The following ABTB2 variants were observed in gnomAD, a reference collection of about 807,000 sequenced individuals.
ABTB2 encodes ankyrin repeat and BTB domain containing 2.
Under a neutral mutation model 104.1 loss-of-function variants are expected in ABTB2, and 56 were observed. The observed-to-expected ratio is 0.54, with a 90% CI of 0.43 to 0.67. The LOEUF is 0.67. ABTB2 is among the 30% of genes least tolerant of loss of function. The probability of loss-of-function intolerance (pLI) is 0.00; values close to 1 mark genes in which losing one functional copy is unlikely to be tolerated. For synonymous variants in ABTB2, 606 were observed against 608.2 expected, an observed-to-expected ratio of 1.00 and a Z score of 0.05; for missense variants, 1,279 against 1,407.7, an observed-to-expected ratio of 0.91 and a Z score of 1.46.
At chr11:34,272,884 C>A (rs1328960654) in intron 1 of ABTB2, among the ~76,000 whole-genome samples, 1 of 151,972 alleles carries the variant, frequency 6.6e-6, no homozygotes, top group African/African-American at 2.4e-5. Flanking sequence ...TCCAGACTGT[C>A]TGAGTTCTAA....
chr11:34,287,359 G>A (rs1854517626), intron 1 of ABTB2, among the ~76,000 whole-genome samples: 1 of 152,084 alleles, frequency 6.6e-6, no homozygotes, highest in Admixed American at 6.6e-5. Flanking sequence ...ACCAGCCTGA[G>A]ACCAGCCCGG....
intron 1 of ABTB2, among the ~76,000 whole-genome samples, chr11:34,300,772 G>C (rs1282196450): frequency 6.6e-6 from 1 of 152,196 alleles, no homozygotes; most frequent in East Asian, 1.9e-4. Flanking sequence ...CAATGAGAAG[G>C]GGTTTTAGGT....
Position 34,172,401 on chromosome 11 carries a change from T to A in ABTB2, c.1397+754A>T, listed in dbSNP as rs1189233527. 8.2e-3 allele frequency among the ~76,000 whole-genome samples: 319 copies of A among 38,828 alleles called. 20 individuals are homozygous for A. Among genetic ancestry groups the A allele is most frequent in the African/African-American group, 0.023 (298 of 13,024 alleles). The allele number at this position is 38,828 out of a possible 152,430, so 25.5% of individuals were successfully genotyped here. Reference sequence around the variant, plus strand: ...AAAAAAAAAAAAAAAAAAAAATATATATATATATATATATATATGTGTGTG... The same window carrying A: ...AAAAAAAAAAAAAAAAAAAAATATAAATATATATATATATATATGTGTGTG... On this transcript the variant is annotated intron_variant, in intron 4 of 16. Coordinates refer to ENST00000435224, the MANE Select transcript of ABTB2 (RefSeq NM_145804.3).
At chr11:34,190,272 C>A (rs12362519) in intron 3 of ABTB2, among the ~76,000 whole-genome samples, 67 of 115,118 alleles carry the variant, frequency 5.8e-4, no homozygotes, top group Admixed American at 1.2e-3. Context: ...GCTGCCCCCC[C>A]AAAAAAAAAA....
chr11:34,221,836 C>T (rs983437123), intron 1 of ABTB2, among the ~76,000 whole-genome samples: 9 of 152,156 alleles, frequency 5.9e-5, no homozygotes, highest in African/African-American at 2.2e-4. Flanking sequence ...GTCGGGAGTT[C>T]CAGACCAGCC....
At chr11:34,173,772 T>C (rs905970788) in intron 3 of ABTB2, among the ~76,000 whole-genome samples, 2 of 152,018 alleles carry the variant, frequency 1.3e-5, no homozygotes, top group African/African-American at 4.8e-5. Flanking sequence ...GCTAAGAGTC[T>C]CACAGACCCA....
intron 3 of ABTB2, among the ~76,000 whole-genome samples, chr11:34,185,121 C>T (rs1163702749): frequency 3.3e-5 from 5 of 152,338 alleles, no homozygotes; most frequent in Non-Finnish European, 7.4e-5. Flanking sequence ...ACAGCACTCA[C>T]CTTCCCCAAC....
chr11:34,270,445 T>A (rs1188895602), intron 1 of ABTB2, among the ~76,000 whole-genome samples: 7 of 151,920 alleles, frequency 4.6e-5, no homozygotes, highest in Non-Finnish European at 1.0e-4. Flanking sequence ...GTTCAAACTA[T>A]TCTCCTGCTT....
At chr11:34,322,135 G>A (rs920690008) in intron 1 of ABTB2, among the ~76,000 whole-genome samples, 2 of 152,140 alleles carry the variant, frequency 1.3e-5, no homozygotes, top group African/African-American at 2.4e-5. Flanking sequence ...AGAAAGGCAC[G>A]CAAAACCCAT....
rs751175741 is a variant in ABTB2, at chr11:34,204,697, G to A, written c.884-7C>T. Reference sequence around the variant, plus strand: ...GCGGGGAGGGAGAGGACACCTATGGGGAAAGAAGGCAGACAGGTCACACTT... The same window carrying A: ...GCGGGGAGGGAGAGGACACCTATGGAGAAAGAAGGCAGACAGGTCACACTT... On this transcript the variant is annotated splice_region_variant and splice_polypyrimidine_tract_variant and intron_variant, in intron 1 of 16. Coordinates refer to ENST00000435224, the MANE Select transcript of ABTB2 (RefSeq NM_145804.3). The A allele has an allele frequency of 1.3e-5, 21 of 1,610,602 alleles. No homozygotes were observed. The Admixed American group carries it at 3.5e-4, about 27-fold the overall frequency.
At chr11:34,313,028 A>G (rs1854877512) in intron 1 of ABTB2, among the ~76,000 whole-genome samples, 1 of 152,222 alleles carries the variant, frequency 6.6e-6, no homozygotes, top group African/African-American at 2.4e-5. Context: ...GAAAAGACCC[A>G]ATTTCTTAGC....
At chr11:34,244,260 T>A (rs1448655750) in intron 1 of ABTB2, among the ~76,000 whole-genome samples, 1 of 151,624 alleles carries the variant, frequency 6.6e-6, no homozygotes, top group Non-Finnish European at 1.5e-5. Context: ...TCTAAAACAC[T>A]TAGGAGATAA....
intron 1 of ABTB2, among the ~76,000 whole-genome samples, chr11:34,242,752 T>C (rs770454045): frequency 2.6e-5 from 4 of 152,168 alleles, no homozygotes; most frequent in Admixed American, 2.0e-4. Context: ...TGATGTCTCC[T>C]GGGCACTTAT....
intron 1 of ABTB2, among the ~76,000 whole-genome samples, chr11:34,244,452 C>A (rs914695292): frequency 6.6e-6 from 1 of 152,170 alleles, no homozygotes; most frequent in African/African-American, 2.4e-5. Context: ...GCCCCTAGCA[C>A]AAAATGCAGG....
At chr11:34,193,905 C>T (rs1046046427) in intron 3 of ABTB2, among the ~76,000 whole-genome samples, 3 of 152,200 alleles carry the variant, frequency 2.0e-5, no homozygotes, top group African/African-American at 7.2e-5. Context: ...CCCCTCCCTC[C>T]TCCCACTGTC....
intron 1 of ABTB2, among the ~76,000 whole-genome samples, chr11:34,299,225 C>T (rs1258393084): frequency 6.6e-6 from 1 of 151,978 alleles, no homozygotes. Flanking sequence ...GACTGGGGGG[C>T]AGGAATGGCA....
At chr11:34,217,127 TGGG>T (rs1853559771) in intron 1 of ABTB2, among the ~76,000 whole-genome samples, 1 of 152,258 alleles carries the variant, frequency 6.6e-6, no homozygotes, top group African/African-American at 2.4e-5. Flanking sequence ...ACACTGCCTA[TGGG>T]ATACCCCTGA....
Position 34,167,493 on chromosome 11 carries a change from A to G in ABTB2, c.1654-133T>C, listed in dbSNP as rs992452444. ...AATGTTTGCCTGGAGCACAAAGTGGACAAGGCTCAAAAAGAGAGGATAGGT... is the reference window on the plus strand; with the variant it reads ...AATGTTTGCCTGGAGCACAAAGTGGGCAAGGCTCAAAAAGAGAGGATAGGT... On this transcript the variant is annotated intron_variant, in intron 6 of 16. Coordinates refer to ENST00000435224, the MANE Select transcript of ABTB2 (RefSeq NM_145804.3). 59 of 786,944 alleles carry G rather than the reference A, an allele frequency of 7.5e-5. No homozygotes were observed. In the African/African-American group the frequency reaches 1.0e-3, roughly 14 times the overall value. 48.7% of individuals were successfully genotyped at this position (786,944 alleles called of 1,614,324 possible). A position where few individuals can be genotyped will look rare whatever the true frequency, so the allele number is the denominator to read the frequency against.
chr11:34,195,088 T>TGGGGGGGGG (rs1565137708), intron 3 of ABTB2, among the ~76,000 whole-genome samples: 2 of 33,294 alleles, frequency 6.0e-5, no homozygotes, highest in Non-Finnish European at 1.5e-4. Context: ...GGGGGGGGAG[T>TGGGGGGGGG]GGGGGCGGGA....
Sources: allele counts gnomAD v4.1 joint callset (sites outside exome capture counted in the v4.1 genomes callset), GRCh38; gene constraint gnomAD v4.1.1; transcripts MANE v1.5; gene names NCBI Gene and HGNC (gene_info 2026-07-23, HGNC 2026-07-21).